The following KDELR1 variants were observed in gnomAD, a reference collection of about 807,000 sequenced individuals.
KDELR1 encodes ER lumen protein-retaining receptor 1.
KDELR1 carries 16 observed loss-of-function variants against 25.5 expected under a neutral mutation model. That is an observed-to-expected ratio of 0.63 (90% CI 0.43 to 0.95). The LOEUF (loss-of-function observed/expected upper bound fraction) is 0.95, where lower values mean the gene tolerates loss of function less well. Among genes scored for constraint, KDELR1 ranks in the 40% least tolerant of loss-of-function variants. The pLI is 0.00. For missense variants in KDELR1, 159 were observed against 265.2 expected (o/e 0.60, Z 2.78); for synonymous variants, 121 against 115.0 (o/e 1.05, Z -0.33).
At chr19:48,394,545 G>A (rs995231002), upstream of KDELR1, among the ~76,000 whole-genome samples, 1 of 147,466 alleles carries the variant, frequency 6.8e-6, no homozygotes. This position sits in a 1 kb window ranked among gnomAD's most constrained non-coding sequence, Gnocchi z 5.1. Flanking sequence ...AGGAGCCGGG[G>A]CTGAAGCGGC....
upstream of KDELR1, among the ~76,000 whole-genome samples, chr19:48,395,130 T>C (rs960330018): frequency 6.6e-6 from 1 of 151,830 alleles, no homozygotes; most frequent in Non-Finnish European, 1.5e-5. Flanking sequence ...GAGCCCCTTT[T>C]TCCTGAGTCC....
In KDELR1 at chr19:48,389,911, ATCCAGGAGTCCAAGCC is replaced by A. The variant is rs1358288653; in HGVS notation, c.193-216_193-201del. On this transcript the variant is annotated intron_variant, in intron 2 of 4. Coordinates refer to ENST00000330720, the MANE Select transcript of KDELR1 (RefSeq NM_006801.3). ...AGGCCCCCAACCCCTCCTCCCTCAG[ATCCAGGAGTCCAAGCC>A]CCCAGCCCCTCCTCCCTCAGACCCA... is the stretch of plus-strand genomic sequence containing the variant. 5.8e-3 allele frequency among the ~76,000 whole-genome samples: 546 copies of A among 93,850 alleles called. 1 individual carries two copies. Among genetic ancestry groups the A allele is most frequent in the South Asian group, 7.7e-3 (16 of 2,072 alleles). 61.6% of individuals were successfully genotyped at this position (93,850 alleles called of 152,430 possible).
chr19:48,383,706 G>T lies in KDELR1; in HGVS notation c.605-379C>A, dbSNP rs1435613727. 2.6e-5 allele frequency among the ~76,000 whole-genome samples: 4 copies of T among 151,698 alleles called. No individual in the cohort carries two copies. The South Asian group carries it at 6.2e-4, about 24-fold the overall frequency. On this transcript the variant is annotated intron_variant, in intron 4 of 4. Transcript: ENST00000330720. ...TTTTTTTATTTTTTATAGTGACAGG[G>T]TCTTGCTATGTTGCTCTGGAACTCC...
chr19:48,391,179 A>G, intron 1 of KDELR1, 89 bp downstream of exon 1: 1 of 1,119,162 alleles, frequency 8.9e-7, no homozygotes, highest in African/African-American at 1.5e-5. Flanking sequence ...CTGTGCCCCT[A>G]GTGCCCCCAA....
rs938938389 is a variant in KDELR1 at position 48,383,334 on chromosome 19, G to A, written c.605-7C>T. On this transcript the variant is annotated splice_polypyrimidine_tract_variant and splice_region_variant and intron_variant, in intron 4 of 4. Coordinates refer to ENST00000330720, the MANE Select transcript of KDELR1 (RefSeq NM_006801.3). ...AACTTCTTCCCCTTTAGGACTGTGA[G>A]GAGAGAAAACAGGGAGGGCATTACC... 5 of 1,551,766 alleles carry A rather than the reference G, an allele frequency of 3.2e-6. No homozygotes were observed. The highest frequency in any genetic ancestry group is 2.7e-5 in the African/African-American group (2 of 73,078).
At chr19:48,393,342 A>C (rs1970584424), upstream of KDELR1, among the ~76,000 whole-genome samples, 1 of 152,098 alleles carries the variant, frequency 6.6e-6, no homozygotes, top group Non-Finnish European at 1.5e-5. The surrounding 1 kb of genome is among the most constrained non-coding windows in gnomAD (Gnocchi z 5.6). Context: ...CGAACACTGA[A>C]GTCAGGGAAA....
At position 48,391,475 on chromosome 19, in the gene KDELR1, G is replaced by C; in HGVS notation, c.-117C>G. ...TGGGGGGACGGAAGAGGGACCCTAG[G>C]TGCGCTCCGCTCCGGGGAGGGGACT... On this transcript the variant is annotated 5_prime_UTR_variant, in exon 1 of 5. Transcript: ENST00000330720. The C allele has an allele frequency of 1.3e-6, 1 of 762,490 alleles. No homozygotes were observed. Among genetic ancestry groups the C allele is most frequent in the South Asian group, 1.6e-5 (1 of 62,424 alleles). The allele number at this position is 762,490 out of a possible 1,614,324, so 47.2% of individuals were successfully genotyped here. A position where few individuals can be genotyped will look rare whatever the true frequency, so the allele number is the denominator to read the frequency against.
intron 3 of KDELR1, among the ~76,000 whole-genome samples, chr19:48,388,099 C>T (rs1296523527): frequency 3.9e-5 from 6 of 152,174 alleles, no homozygotes; most frequent in Non-Finnish European, 8.8e-5. Flanking sequence ...TTTATTAATA[C>T]CAACCTCTCA....
Position 48,391,366 on chromosome 19 carries a change from GA to G in KDELR1, c.-9del. On this transcript the variant is annotated 5_prime_UTR_variant, in exon 1 of 5. Coordinates refer to ENST00000330720, the MANE Select transcript of KDELR1 (RefSeq NM_006801.3). The stretch of plus-strand genomic sequence containing the variant: ...GAATCGGAAGAGATTCATGGCTGGG[GA>G]ACCCTGGCAGGGCTGAGCGGGAGGG... 1 of 1,551,338 alleles carries G rather than the reference GA, an allele frequency of 6.4e-7. No individual in the cohort carries two copies. The highest frequency in any genetic ancestry group is 8.7e-7 in the Non-Finnish European group (1 of 1,146,546).
chr19:48,384,540 G>T lies in KDELR1; in HGVS notation c.352-58C>A. 1 of 1,570,164 alleles carries T rather than the reference G, an allele frequency of 6.4e-7. No individual in the cohort carries two copies. ...AGGGGACAGGGCGGGAGAAAAGGCA[G>T]AGGACAACATTGCAGTTACAGGTGC... On this transcript the variant is annotated intron_variant, in intron 3 of 4. Transcript: ENST00000330720. This position sits in a 1 kb window ranked among gnomAD's most constrained non-coding sequence, Gnocchi z 4.6.
At chr19:48,391,121 G>T (rs1377314775) in intron 1 of KDELR1, 147 bp downstream of exon 1, 3 of 713,742 alleles carry the variant, frequency 4.2e-6, no homozygotes, top group Non-Finnish European at 7.3e-6. Context: ...ATCCCCTGGA[G>T]ACCCAGAACC....
intron 1 of KDELR1, 27 bp downstream of exon 1, chr19:48,391,241 C>T: frequency 1.3e-6 from 2 of 1,548,260 alleles, no homozygotes; most frequent in East Asian, 2.4e-5. Context: ...AATCTCTCTC[C>T]TTCGCCAGCC....
intron 1 of KDELR1, 177 bp from the exon 2 acceptor site, chr19:48,390,701 G>A (rs1245001157): frequency 1.2e-5 from 7 of 564,056 alleles, no homozygotes; most frequent in East Asian, 3.0e-5. Flanking sequence ...AGCTGTCCCC[G>A]GAGGCCTCCC....
In KDELR1 at chr19:48,383,052, C is replaced by G; in HGVS notation, c.*241G>C. The G allele has an allele frequency of 1.7e-6, 1 of 573,576 alleles. No homozygotes were observed. The highest frequency in any genetic ancestry group is 2.9e-5 in the East Asian group (1 of 34,078). The allele number at this position is 573,576 out of a possible 1,614,324, so 35.5% of individuals were successfully genotyped here. On this transcript the variant is annotated 3_prime_UTR_variant, in exon 5 of 5. Transcript: ENST00000330720. ...AAAAACGAGTCATCAGAATCAAAAA[C>G]TAAAGAGTGGAAAGATTTTTTTTTC...
Position 48,391,374 on chromosome 19 carries a change from G to C in KDELR1, c.-16C>G. The C allele has an allele frequency of 6.5e-7, 1 of 1,546,480 alleles. No individual in the cohort carries two copies. The highest frequency in any genetic ancestry group is 8.8e-7 in the Non-Finnish European group (1 of 1,142,492). ...AGAGATTCATGGCTGGGGAACCCTG[G>C]CAGGGCTGAGCGGGAGGGAGGCAGG... On this transcript the variant is annotated 5_prime_UTR_variant, in exon 1 of 5. Transcript: ENST00000330720.
At chr19:48,389,835 A>T in intron 2 of KDELR1, 124 bp from the exon 3 acceptor site, 1 of 1,007,684 alleles carries the variant, frequency 9.9e-7, no homozygotes, top group Non-Finnish European at 1.4e-6. Context: ...CTCCTCCCTC[A>T]GACCCAGGAG....
At chr19:48,390,809 C>T (rs897322266) in intron 1 of KDELR1, 4 of 471,706 alleles carry the variant, frequency 8.5e-6, no homozygotes, top group Non-Finnish European at 1.5e-5. Context: ...CCGTCCCAGA[C>T]TAGGCCTCAT....
At chr19:48,394,534 G>A (rs1970611047), upstream of KDELR1, among the ~76,000 whole-genome samples, 1 of 146,224 alleles carries the variant, frequency 6.8e-6, no homozygotes, top group Non-Finnish European at 1.5e-5. This position sits in a 1 kb window ranked among gnomAD's most constrained non-coding sequence, Gnocchi z 5.1. Context: ...GGAAAGGGGG[G>A]AGGAGCCGGG....
At position 48,384,914 on chromosome 19, in the gene KDELR1, T is replaced by G. The variant is rs1470857320; in HGVS notation, c.352-432A>C. ...TCTTTTTTTTTTTTTTGAGATGGAG[T>G]ATCACTCTGTCACCCAGGCTGGAGT... is the stretch of plus-strand genomic sequence containing the variant. On this transcript the variant is annotated intron_variant, in intron 3 of 4. Transcript: ENST00000330720. The surrounding 1 kb of genome is among the most constrained non-coding windows in gnomAD (Gnocchi z 4.6). Among the ~76,000 whole-genome samples the G allele has an allele frequency of 1.4e-5, 2 of 143,770 alleles. No individual in the cohort carries two copies. Among genetic ancestry groups the G allele is most frequent in the Non-Finnish European group, 1.5e-5 (1 of 66,650 alleles). The allele number at this position is 143,770 out of a possible 152,430, so 94.3% of individuals were successfully genotyped here. A position where few individuals can be genotyped will look rare whatever the true frequency, so the allele number is the denominator to read the frequency against.
Sources: allele counts gnomAD v4.1 joint callset (sites outside exome capture counted in the v4.1 genomes callset), GRCh38; gene constraint gnomAD v4.1.1; non-coding constraint Gnocchi (gnomAD v3.1); transcripts MANE v1.5; gene names NCBI Gene and HGNC (gene_info 2026-07-23, HGNC 2026-07-21).